Variants in RBPMS2 observed in about 807,000 individuals in gnomAD.
RBPMS2 encodes RNA-binding protein with multiple splicing 2.
In RBPMS2, 14 loss-of-function variants were observed where a neutral mutation model predicts 25.7. The observed-to-expected ratio is 0.55, with a 90% CI of 0.36 to 0.85. The LOEUF (loss-of-function observed/expected upper bound fraction) is 0.85, where lower values mean the gene tolerates loss of function less well. Ranked by LOEUF, RBPMS2 falls within the 40% of genes least tolerant of loss-of-function variation. The probability of loss-of-function intolerance (pLI) is 0.01; values close to 1 mark genes in which losing one functional copy is unlikely to be tolerated. For missense variants in RBPMS2, 252 were observed against 283.4 expected, an observed-to-expected ratio of 0.89 and a Z score of 0.80; for synonymous variants, 127 against 115.6, an observed-to-expected ratio of 1.10 and a Z score of -0.63.
At chr15:64,766,522 A>T (rs868463354) in intron 1 of RBPMS2, among the ~76,000 whole-genome samples, 1 of 150,370 alleles carries the variant, frequency 6.7e-6, no homozygotes, top group Non-Finnish European at 1.5e-5. Flanking sequence ...GTTCTGACTT[A>T]ATGGTGGCTT....
rs759594538 is a variant in RBPMS2 at position 64,751,650 on chromosome 15, G to C, written c.88-12C>G. ...AACAGTGTCCGGACCTGGAGACAGA[G>C]ACCAGTGATCAGGGCCAGGCTGCCC... On this transcript the variant is annotated splice_polypyrimidine_tract_variant and intron_variant, in intron 1 of 7. Coordinates refer to ENST00000300069, the MANE Select transcript of RBPMS2 (RefSeq NM_194272.3). 1 of 1,612,968 alleles carries C rather than the reference G, an allele frequency of 6.2e-7. No individual in the cohort carries two copies. Among genetic ancestry groups the C allele is most frequent in the Non-Finnish European group, 8.5e-7 (1 of 1,179,120 alleles).
intron 6 of RBPMS2, among the ~76,000 whole-genome samples, 192 bp from the exon 7 acceptor site, chr15:64,741,434 G>A (rs1329109775): frequency 1.3e-5 from 2 of 152,184 alleles, no homozygotes; most frequent in African/African-American, 2.4e-5. Context: ...TGCCTGATGT[G>A]CCTCCTCTGC....
At chr15:64,765,595 CGG>C (rs5813320) in intron 1 of RBPMS2, among the ~76,000 whole-genome samples, 1 of 150,278 alleles carries the variant, frequency 6.7e-6, no homozygotes, top group Non-Finnish European at 1.5e-5. Context: ...AAAAAAAGGG[CGG>C]GGGGGGACCA....
chr15:64,774,257 G>A (rs529242741), intron 1 of RBPMS2, among the ~76,000 whole-genome samples: 11 of 152,352 alleles, frequency 7.2e-5, no homozygotes, highest in African/African-American at 2.4e-4. Flanking sequence ...ACATGCCAGG[G>A]CAGGGGCAGG....
At chr15:64,742,291 G>A (rs1370468082) in intron 6 of RBPMS2, among the ~76,000 whole-genome samples, 2 of 152,342 alleles carry the variant, frequency 1.3e-5, no homozygotes, top group Non-Finnish European at 1.5e-5. Flanking sequence ...TGAGGCTCCC[G>A]TTTTGACCTT....
chr15:64,753,361 A>G (rs2083700878), intron 1 of RBPMS2, among the ~76,000 whole-genome samples: 1 of 152,158 alleles, frequency 6.6e-6, no homozygotes, highest in African/African-American at 2.4e-5. Context: ...CTCTCTAGTG[A>G]TGGCCCGCTG....
At chr15:64,762,412 G>A (rs375419644) in intron 1 of RBPMS2, 16 of 534,526 alleles carry the variant, frequency 3.0e-5, no homozygotes, top group African/African-American at 2.1e-4. Flanking sequence ...CAGAGCACAC[G>A]AGCTGCAGCC....
At chr15:64,774,613 G>A (rs1433647712) in intron 1 of RBPMS2, among the ~76,000 whole-genome samples, 1 of 107,670 alleles carries the variant, frequency 9.3e-6, no homozygotes, top group Non-Finnish European at 2.1e-5. Context: ...GACGAACTGA[G>A]TGTCTTTAGT....
intron 1 of RBPMS2, among the ~76,000 whole-genome samples, chr15:64,753,073 G>A (rs143918128): frequency 2.3e-4 from 35 of 152,256 alleles, no homozygotes; most frequent in African/African-American, 8.4e-4. Context: ...ATGGGGAAGG[G>A]GAGACTTTCC....
chr15:64,772,184 T>C (rs1023971241), intron 1 of RBPMS2, among the ~76,000 whole-genome samples: 3 of 152,158 alleles, frequency 2.0e-5, no homozygotes, highest in African/African-American at 7.2e-5. Flanking sequence ...GTCTCCACTT[T>C]CAAAATAGAA....
intron 1 of RBPMS2, among the ~76,000 whole-genome samples, chr15:64,761,722 A>G (rs1448060507): frequency 6.0e-5 from 1 of 16,768 alleles, no homozygotes; most frequent in Non-Finnish European, 2.0e-4. Flanking sequence ...TTTTTTTTTG[A>G]GACGGAGTCT....
In RBPMS2 at chr15:64,741,230, G is replaced by C. The variant is rs375982494; in HGVS notation, c.580C>G (p.Pro194Ala). ...CCTTGCTGGGTGGTGTCAGAGGAAG[G>C]GTACCAGCGCACCTGCAAGAGAAGC... ...AALHAQVRWY[P>A]SSDTTQQGWK... Residue 194 changes from proline (P) to alanine (A), a missense_variant, in exon 7 of 8, where the codon CCT becomes GCT. Coordinates refer to ENST00000300069, the MANE Select transcript of RBPMS2 (RefSeq NM_194272.3). 1 of 1,591,534 alleles carries C rather than the reference G, an allele frequency of 6.3e-7. No homozygotes were observed. The highest frequency in any genetic ancestry group is 1.3e-5 in the African/African-American group (1 of 74,450).
At chr15:64,770,620 G>C (rs72744749) in intron 1 of RBPMS2, among the ~76,000 whole-genome samples, 7,346 of 152,194 alleles carry the variant, frequency 0.048, 232 homozygotes, top group South Asian at 0.088. Context: ...CCCAGAAACA[G>C]AGAAGCCTCC....
At chr15:64,771,075 CTT>C (rs1165545397) in intron 1 of RBPMS2, among the ~76,000 whole-genome samples, 8 of 152,164 alleles carry the variant, frequency 5.3e-5, no homozygotes, top group African/African-American at 1.9e-4. Context: ...CTGGCAAAAA[CTT>C]TTTTAACTCT....
At chr15:64,771,627 C>A (rs891851491) in intron 1 of RBPMS2, among the ~76,000 whole-genome samples, 1 of 148,824 alleles carries the variant, frequency 6.7e-6, no homozygotes, top group Non-Finnish European at 1.5e-5. Flanking sequence ...GCCGAGATTG[C>A]GCCACTGCAC....
Position 64,775,405 on chromosome 15 carries a change from G to T in RBPMS2, c.-86C>A. On this transcript the variant is annotated 5_prime_UTR_variant, in exon 1 of 8. Transcript: ENST00000300069. ...GAAGTGGGAAGGGGCGCGGGGAGCG[G>T]TGCGCTCGCGGGTGCGGAGCGGGTG... 1 of 696,632 alleles carries T rather than the reference G, an allele frequency of 1.4e-6. No individual in the cohort carries two copies. Among genetic ancestry groups the T allele is most frequent in the Non-Finnish European group, 2.0e-6 (1 of 507,468 alleles). 43.2% of individuals were successfully genotyped at this position (696,632 alleles called of 1,614,324 possible). A position where few individuals can be genotyped will look rare whatever the true frequency, so the allele number is the denominator to read the frequency against.
intron 1 of RBPMS2, among the ~76,000 whole-genome samples, chr15:64,759,670 T>C (rs1429695547): frequency 1.3e-5 from 2 of 152,072 alleles, no homozygotes; most frequent in Non-Finnish European, 2.9e-5. Context: ...TTTTTCTTTT[T>C]TTAATTATTT....
chr15:64,744,083 G>A (rs1366083945), intron 6 of RBPMS2, among the ~76,000 whole-genome samples: 1 of 151,850 alleles, frequency 6.6e-6, no homozygotes, highest in African/African-American at 2.4e-5. Context: ...ACTCTAGCCT[G>A]GGCAACGGAG....
Position 64,741,007 on chromosome 15 carries a change from G to A in RBPMS2, c.*8-7C>T, listed in dbSNP as rs935695401. The A allele has an allele frequency of 5.3e-6, 3 of 570,866 alleles. No homozygotes were observed. The African/African-American group carries it at 5.7e-5, about 11-fold the overall frequency. 35.4% of individuals were successfully genotyped at this position (570,866 alleles called of 1,614,324 possible). On this transcript the variant is annotated splice_region_variant and splice_polypyrimidine_tract_variant and intron_variant, in intron 7 of 7. Transcript: ENST00000300069. ...ACCTCCCCGGTGACCAGACCTGGAG[G>A]GAGGGAGAGAGGCGGCCGTGAGCAG... is the stretch of plus-strand genomic sequence containing the variant.
Sources: gnomAD v4.1 joint callset for allele counts (sites outside exome capture counted in the v4.1 genomes callset) on GRCh38, gnomAD v4.1.1 for gene constraint, MANE v1.5 for transcripts, NCBI Gene and HGNC (gene_info 2026-07-23, HGNC 2026-07-21) for gene names.